The following SFPQ variants were observed in gnomAD, a reference collection of about 807,000 sequenced individuals.
SFPQ encodes the protein splicing factor proline and glutamine rich.
Under a neutral mutation model 72.9 loss-of-function variants are expected in SFPQ, and 11 were observed. The observed-to-expected ratio is 0.15, with a 90% CI of 0.09 to 0.25. The LOEUF is 0.25. Ranked by LOEUF, SFPQ falls within the 10% of genes least tolerant of loss-of-function variation. SFPQ has a pLI of 1.00. For missense variants in SFPQ, 847 were observed against 993.3 expected, an observed-to-expected ratio of 0.85 and a Z score of 1.98; for synonymous variants, 506 against 367.3, an observed-to-expected ratio of 1.38 and a Z score of -4.32.
chr1:35,178,704 A>G, downstream of SFPQ: 38 of 1,054,132 alleles, frequency 3.6e-5, no homozygotes, highest in Non-Finnish European at 4.4e-5. Flanking sequence ...GCACAAAACA[A>G]AGATCAGCCT....
In SFPQ at chr1:35,183,661, A is replaced by AG. The variant is rs1433711275; in HGVS notation, c.*794dup. 2 of 1,038,358 alleles carry AG rather than the reference A, an allele frequency of 1.9e-6. No homozygotes were observed. Among genetic ancestry groups the AG allele is most frequent in the Non-Finnish European group, 2.3e-6 (2 of 862,078 alleles). 64.3% of individuals were successfully genotyped at this position (1,038,358 alleles called of 1,614,324 possible). ...CAATACAAGCCATTTATAGGGCTTG[A>AG]GATTTGTTGGTCTTTTAAAAACAAG... On this transcript the variant is annotated 3_prime_UTR_variant, in exon 10 of 10. Transcript: ENST00000357214.
intron 9 of SFPQ, among the ~76,000 whole-genome samples, chr1:35,186,401 G>A (rs1005640528): frequency 3.9e-5 from 6 of 152,164 alleles, no homozygotes; most frequent in Non-Finnish European, 7.4e-5. Flanking sequence ...CTTAAAAATT[G>A]TTGATTTTTG....
At position 35,192,542 on chromosome 1, in the gene SFPQ, G is replaced by A; in HGVS notation, c.508C>T (p.Pro170Ser). The A allele has an allele frequency of 1.5e-6, 2 of 1,328,044 alleles. No individual in the cohort carries two copies. The highest frequency in any genetic ancestry group is 8.3e-5 in the Admixed American group (2 of 24,112). 82.3% of individuals were successfully genotyped at this position (1,328,044 alleles called of 1,614,324 possible). ...GGTGTGGTAGGGACCCCGCTGCTTG[G>A]CGGGGTGGGTGGCGGCGCCCCGGGA... The part of the protein sequence containing the change: ...APPGAPPPTP[P>S]SSGVPTTPPQ... Residue 170 changes from proline (P) to serine (S), a missense_variant, in exon 1 of 10, where the codon CCA becomes TCA. Physicochemically the swap from Pro to Ser is moderately conservative, Grantham distance 74. Transcript: ENST00000357214.
chr1:35,188,166 T>C lies in SFPQ; in HGVS notation c.1698-76A>G, dbSNP rs1557802546. On this transcript the variant is annotated intron_variant, in intron 6 of 9. Transcript: ENST00000357214. ...AATTCAATGTGAAGAAACCTAGCAG[T>C]TGACCTAAGAACTAGGTTAGCACTA... is the stretch of plus-strand genomic sequence containing the variant. The C allele has an allele frequency of 1.2e-5, 13 of 1,127,736 alleles. No individual in the cohort carries two copies. The East Asian group carries it at 1.9e-4, about 16-fold the overall frequency. 69.9% of individuals were successfully genotyped at this position (1,127,736 alleles called of 1,614,324 possible). A position where few individuals can be genotyped will look rare whatever the true frequency, so the allele number is the denominator to read the frequency against.
Position 35,184,254 on chromosome 1 carries a change from T to TAA in SFPQ, c.*200_*201dup. The TAA allele has an allele frequency of 7.4e-7, 1 of 1,343,402 alleles. No individual in the cohort carries two copies. The highest frequency in any genetic ancestry group is 9.5e-7 in the Non-Finnish European group (1 of 1,056,978). 83.2% of individuals were successfully genotyped at this position (1,343,402 alleles called of 1,614,324 possible). On this transcript the variant is annotated 3_prime_UTR_variant, in exon 10 of 10. Transcript: ENST00000357214. The stretch of plus-strand genomic sequence containing the variant: ...CAGTAAAAAAGAAAAAATAAAGAAA[T>TAA]AAAAAGGAAAAAAAAATTCTCCTGT...
chr1:35,178,515 C>G (rs1052913782), downstream of SFPQ: 1 of 1,062,418 alleles, frequency 9.4e-7, no homozygotes, highest in Non-Finnish European at 1.1e-6. Flanking sequence ...CCACAGTACA[C>G]AACGCTGTAG....
At chr1:35,185,530 CAT>C (rs375632720) in intron 9 of SFPQ, among the ~76,000 whole-genome samples, 41 of 152,264 alleles carry the variant, frequency 2.7e-4, no homozygotes, top group African/African-American at 9.9e-4. Flanking sequence ...TCAATAGAAA[CAT>C]ATGTGCCTAA....
downstream of SFPQ, chr1:35,179,341 T>G (rs1406269346): frequency 9.5e-7 from 1 of 1,057,904 alleles, no homozygotes; most frequent in Non-Finnish European, 1.1e-6. Context: ...CTTGGTAGGT[T>G]TGCAACCTTG....
At chr1:35,188,252 A>G (rs745317323) in intron 6 of SFPQ, among the ~76,000 whole-genome samples, 162 bp from the exon 7 acceptor site, 1 of 152,378 alleles carries the variant, frequency 6.6e-6, no homozygotes, top group Middle Eastern at 3.4e-3. Flanking sequence ...CTGGCAAATA[A>G]TGTAGGCTTT....
At chr1:35,176,507 C>T (rs969247714) in intron 5 of SFPQ, 4 of 152,148 alleles carry the variant, frequency 2.6e-5, no homozygotes, top group African/African-American at 9.6e-5. Flanking sequence ...CCAAAGGATA[C>T]AAGAATCAGA....
intron 1 of SFPQ, 56 bp downstream of exon 1, chr1:35,192,166 G>GGGC: frequency 7.8e-7 from 1 of 1,288,432 alleles, no homozygotes. Flanking sequence ...GCGGGGGCGA[G>GGGC]GAGGGGGCCG....
downstream of SFPQ, chr1:35,178,336 C>T (rs1639331411): frequency 9.3e-7 from 1 of 1,074,670 alleles, no homozygotes; most frequent in Admixed American, 5.3e-5. Context: ...AATATACTAT[C>T]CCTTATGTGA....
At position 35,191,413 on chromosome 1, in the gene SFPQ, T is replaced by C. The variant is rs1639990117; in HGVS notation, c.945A>G (p.Arg315=). The C allele has an allele frequency of 6.2e-7, 1 of 1,613,992 alleles. No homozygotes were observed. The change falls in exon 2 of 10, where the codon AGA becomes AGG. Residue 315 remains arginine, a synonymous_variant. Coordinates refer to ENST00000357214, the MANE Select transcript of SFPQ (RefSeq NM_005066.3). ...PADITEDEFK[R]LFAKYGEPGE... is the part of the protein sequence containing the mutation. Reference sequence around the variant, plus strand: ...CTGGTTCTCCATATTTAGCAAATAGTCTTTTGAATTCATCCTCCGTGATAT... The same window carrying C: ...CTGGTTCTCCATATTTAGCAAATAGCCTTTTGAATTCATCCTCCGTGATAT...
intron 9 of SFPQ, among the ~76,000 whole-genome samples, chr1:35,185,706 A>G (rs1365263660): frequency 6.6e-6 from 1 of 152,208 alleles, no homozygotes; most frequent in Non-Finnish European, 1.5e-5. Context: ...ACAAAATACT[A>G]TTGAGCTACT....
At chr1:35,185,288 AT>A (rs1217991892) in intron 9 of SFPQ, among the ~76,000 whole-genome samples, 1 of 152,236 alleles carries the variant, frequency 6.6e-6, no homozygotes, top group African/African-American at 2.4e-5. Flanking sequence ...ACCAGAGACA[AT>A]TACGTTCTCA....
chr1:35,178,018 C>T, downstream of SFPQ: 1 of 1,296,032 alleles, frequency 7.7e-7, no homozygotes. Flanking sequence ...CAATATCAGC[C>T]AACATCAATC....
chr1:35,181,571 C>T (rs1639467696), downstream of SFPQ: 1 of 1,061,390 alleles, frequency 9.4e-7, no homozygotes, highest in Non-Finnish European at 1.1e-6. Context: ...TTATAAAATA[C>T]CTATTAAATA....
At chr1:35,186,364 T>C (rs931879590) in intron 9 of SFPQ, among the ~76,000 whole-genome samples, 1 of 152,186 alleles carries the variant, frequency 6.6e-6, no homozygotes, top group African/African-American at 2.4e-5. Context: ...TCAAGAAGGT[T>C]CAGATCAAAT....
At chr1:35,177,782 T>C (rs1639307976) in intron 4 of SFPQ, 1 of 179,352 alleles carries the variant, frequency 5.6e-6, no homozygotes, top group Admixed American at 6.3e-5. Context: ...CCATCCACTT[T>C]TTAAAAATTC....
Sources: allele counts gnomAD v4.1 joint callset (sites outside exome capture counted in the v4.1 genomes callset), GRCh38; gene constraint gnomAD v4.1.1; transcripts MANE v1.5; gene names NCBI Gene and HGNC (gene_info 2026-07-23, HGNC 2026-07-21).